PRRC2C: variants seen among roughly 807,000 people sequenced by gnomAD.
The protein encoded by PRRC2C is protein PRRC2C.
A neutral mutation model predicts 317.2 loss-of-function variants in PRRC2C; 72 were observed. The ratio of observed to expected loss-of-function variants is 0.23; its 90% CI spans 0.19 to 0.28. The LOEUF (loss-of-function observed/expected upper bound fraction) is 0.28, where lower values mean the gene tolerates loss of function less well. Among genes scored for constraint, PRRC2C ranks in the 10% least tolerant of loss-of-function variants. PRRC2C has a pLI of 1.00. For missense variants in PRRC2C, 3,074 were observed against 3,459.7 expected, an observed-to-expected ratio of 0.89 and a Z score of 2.80; for synonymous variants, 1,296 against 1,205.9, an observed-to-expected ratio of 1.07 and a Z score of -1.55.
intron 11 of PRRC2C, among the ~76,000 whole-genome samples, chr1:171,528,286 A>AAT: frequency 7.4e-6 from 1 of 135,782 alleles, no homozygotes; most frequent in South Asian, 2.4e-4. Flanking sequence ...CATCAGTGAA[A>AAT]TTTTTTTTTT....
intron 17 of PRRC2C, among the ~76,000 whole-genome samples, chr1:171,548,356 T>C (rs1416211893): frequency 6.6e-6 from 1 of 152,222 alleles, no homozygotes; most frequent in African/African-American, 2.4e-5. Context: ...TTAGAAGAAA[T>C]GTTTGTAGAT....
chr1:171,580,052 C>A, intron 28 of PRRC2C, 88 bp downstream of exon 28: 1 of 1,212,496 alleles, frequency 8.2e-7, no homozygotes, highest in Non-Finnish European at 1.1e-6. Flanking sequence ...TGTTCCTTCC[C>A]AAAAAAACCT....
At chr1:171,507,368 T>C (rs1417084588) in intron 1 of PRRC2C, among the ~76,000 whole-genome samples, 1 of 152,180 alleles carries the variant, frequency 6.6e-6, no homozygotes, top group East Asian at 1.9e-4. Context: ...CGCAGCACTT[T>C]GGGAGGCCGA....
At chr1:171,574,826 G>C in intron 24 of PRRC2C, 101 bp from the exon 25 acceptor site, 1 of 1,120,720 alleles carries the variant, frequency 8.9e-7, no homozygotes, top group Non-Finnish European at 1.3e-6. Context: ...TGTGGTTTTT[G>C]AAAGATTATA....
intron 24 of PRRC2C, 91 bp from the exon 25 acceptor site, chr1:171,574,836 A>G (rs949903249): frequency 1.7e-5 from 20 of 1,185,986 alleles, no homozygotes; most frequent in African/African-American, 7.7e-5. Flanking sequence ...GAAAGATTAT[A>G]TTTGGCACTT....
At chr1:171,586,332 CT>C (rs1380462072) in intron 30 of PRRC2C, among the ~76,000 whole-genome samples, 42 of 151,142 alleles carry the variant, frequency 2.8e-4, no homozygotes, top group Non-Finnish European at 1.2e-4. Context: ...CTCAAGTGAT[CT>C]GCCTACCTTG....
intron 1 of PRRC2C, among the ~76,000 whole-genome samples, chr1:171,502,869 A>G (rs924731407): frequency 5.9e-5 from 9 of 152,090 alleles, no homozygotes; most frequent in African/African-American, 1.4e-4. Flanking sequence ...GATTACAGGC[A>G]TGCACCACAC....
intron 5 of PRRC2C, among the ~76,000 whole-genome samples, chr1:171,517,204 T>C (rs1009518495): frequency 6.6e-6 from 1 of 152,220 alleles, no homozygotes; most frequent in African/African-American, 2.4e-5. Flanking sequence ...AGAATATCAC[T>C]GTCAACCCTT....
intron 1 of PRRC2C, chr1:171,511,024 C>T (rs752734119): frequency 5.9e-5 from 9 of 152,144 alleles, no homozygotes; most frequent in African/African-American, 1.7e-4. Flanking sequence ...ACGGATGAAA[C>T]GAAATTTATA....
intron 17 of PRRC2C, 21 bp downstream of exon 17, chr1:171,545,708 A>AG: frequency 1.1e-6 from 1 of 891,464 alleles, no homozygotes; most frequent in Non-Finnish European, 1.5e-6. Flanking sequence ...GGTTTCTTTC[A>AG]TTTTATTTAT....
chr1:171,542,132 C>A lies in PRRC2C; in HGVS notation c.4666C>A (p.Arg1556=). ...SSQRPVDRQN[R]RGNNGPPKSG... is the part of the protein sequence containing the mutation. ...TCAGAGACCAGTAGATCGTCAGAAT[C>A]GACGTGGCAACAATGGTCCACCCAA... Residue 1556 remains arginine, a synonymous_variant, in exon 16 of 35, where the codon CGA becomes AGA. Transcript: ENST00000647382. 6.2e-7 allele frequency: 1 copy of A among 1,612,888 alleles called. No homozygotes were observed. Among genetic ancestry groups the A allele is most frequent in the Non-Finnish European group, 8.5e-7 (1 of 1,179,430 alleles).
intron 33 of PRRC2C, 60 bp from the exon 34 acceptor site, chr1:171,589,309 T>C (rs12041235): frequency 1.7e-5 from 1 of 60,424 alleles, no homozygotes; most frequent in Admixed American, 2.4e-4. Flanking sequence ...TAGTTGGCAG[T>C]TTTTTTTTTT....
intron 6 of PRRC2C, among the ~76,000 whole-genome samples, chr1:171,519,156 TTATAGG>T (rs1291299870): frequency 6.6e-6 from 1 of 152,176 alleles, no homozygotes. Context: ...AGTGCTGGGA[TTATAGG>T]CATGAGTCAC....
intron 11 of PRRC2C, among the ~76,000 whole-genome samples, chr1:171,530,936 T>TA (rs558859448): frequency 6.6e-6 from 1 of 152,200 alleles, no homozygotes; most frequent in South Asian, 2.1e-4. Flanking sequence ...CACAAAGACT[T>TA]ACGCATGAAT....
chr1:171,557,461 CTCAGCTCCGGTTCCAGCCTCAACT>C lies in PRRC2C; in HGVS notation c.5351_5374del (p.Ser1784_Thr1791del). 2.6e-6 allele frequency: 4 copies of C among 1,544,096 alleles called. No individual in the cohort carries two copies. The highest frequency in any genetic ancestry group is 3.5e-6 in the Non-Finnish European group (4 of 1,141,626). ...CCTTAACTCCAGTTCCAGCCTCAAC[CTCAGCTCCGGTTCCAGCCTCAACT>C]TTAGCTCCAGTTCTGGCCTCAACCT... On this transcript the variant is annotated inframe_deletion, in exon 19 of 35. Transcript: ENST00000647382.
rs757135162 is a variant in PRRC2C, at chr1:171,542,072, C to T, written c.4606C>T (p.Pro1536Ser). 3.1e-6 allele frequency: 5 copies of T among 1,613,716 alleles called. No individual in the cohort carries two copies. Residue 1536 changes from proline to serine, a missense_variant, in exon 16 of 35, where the codon CCA becomes TCA. Pro to Ser is a moderately conservative substitution (Grantham distance 74). Coordinates refer to ENST00000647382, the MANE Select transcript of PRRC2C (RefSeq NM_001387844.1). ...VVKVGENVLP[P>S]KREIAKRSFS... The stretch of plus-strand genomic sequence containing the variant: ...AAAGGTTGGAGAGAATGTTCTACCT[C>T]CAAAGAGGGAAATTGCAAAGAGAAG...
chr1:171,579,743 G>T, intron 27 of PRRC2C, 85 bp from the exon 28 acceptor site: 1 of 1,408,828 alleles, frequency 7.1e-7, no homozygotes, highest in Non-Finnish European at 9.4e-7. Context: ...CTCTTTTCAT[G>T]TCTCAAATTT....
chr1:171,487,789 A>G (rs1222495749), intron 1 of PRRC2C, among the ~76,000 whole-genome samples: 1 of 152,190 alleles, frequency 6.6e-6, no homozygotes, highest in Non-Finnish European at 1.5e-5. Context: ...GAATGGTAGG[A>G]TATTGGTAGA....
chr1:171,539,116 C>T (rs1677425180), intron 15 of PRRC2C, among the ~76,000 whole-genome samples: 1 of 152,114 alleles, frequency 6.6e-6, no homozygotes, highest in African/African-American at 2.4e-5. Context: ...ATTCTCCTGC[C>T]TCAGCCTCCC....
Sources: allele counts gnomAD v4.1 joint callset (sites outside exome capture counted in the v4.1 genomes callset), GRCh38; gene constraint gnomAD v4.1.1; transcripts MANE v1.5; gene names NCBI Gene and HGNC (gene_info 2026-07-23, HGNC 2026-07-21).